AMTN: variants seen among roughly 807,000 people sequenced by gnomAD.
AMTN encodes amelotin.
A neutral mutation model predicts 27.4 loss-of-function variants in AMTN; 29 were observed. The observed-to-expected ratio is 1.06, with a 90% confidence interval of 0.79 to 1.44. The LOEUF (loss-of-function observed/expected upper bound fraction) is 1.44. Among genes scored for constraint, AMTN ranks in the 40% most tolerant of loss-of-function variants. The pLI, the probability that AMTN is intolerant of heterozygous loss-of-function variation, is 0.00. For synonymous variants in AMTN, 86 were observed against 95.7 expected, an observed-to-expected ratio of 0.90 and a Z score of 0.59; for missense variants, 247 against 248.8, an observed-to-expected ratio of 0.99 and a Z score of 0.05.
intron 2 of AMTN, among the ~76,000 whole-genome samples, chr4:70,520,630 C>G (rs936986255): frequency 1.2e-4 from 19 of 152,130 alleles, no homozygotes; most frequent in Admixed American, 3.3e-4. Flanking sequence ...GAATAAACCA[C>G]AGTGAAGTCT....
At chr4:70,520,792 C>T (rs1735935985) in intron 2 of AMTN, among the ~76,000 whole-genome samples, 1 of 152,038 alleles carries the variant, frequency 6.6e-6, no homozygotes, top group African/African-American at 2.4e-5. Context: ...AAGGGGCAGG[C>T]TGCATGTTCA....
intron 2 of AMTN, among the ~76,000 whole-genome samples, chr4:70,520,296 C>T (rs1254184109): frequency 6.6e-6 from 1 of 152,072 alleles, no homozygotes; most frequent in Non-Finnish European, 1.5e-5. Flanking sequence ...GGAAACAATA[C>T]CAAATGAAAC....
chr4:70,528,226 C>T lies in AMTN; in HGVS notation c.295-497C>T, dbSNP rs563684081. 4.8e-3 allele frequency among the ~76,000 whole-genome samples: 379 copies of T among 79,400 alleles called. 3 individuals are homozygous for T. The highest frequency in any genetic ancestry group is 0.021 in the African/African-American group (370 of 17,440). 52.1% of individuals were successfully genotyped at this position (79,400 alleles called of 152,430 possible). A position where few individuals can be genotyped will look rare whatever the true frequency, so the allele number is the denominator to read the frequency against. ...CTATCTTGAACTGGTTTCTAAATCT[C>T]TTGGGACTAATATTCTTTTTACAAA... On this transcript the variant is annotated intron_variant, in intron 5 of 8. Coordinates refer to ENST00000339336, the MANE Select transcript of AMTN (RefSeq NM_212557.4).
rs1274069767 is a variant in AMTN, at chr4:70,518,659, C to T, written c.-16+5C>T. The T allele has an allele frequency of 3.3e-5, 27 of 811,270 alleles. No homozygotes were observed. Among genetic ancestry groups the T allele is most frequent in the South Asian group, 1.5e-5 (1 of 65,696 alleles). The allele number at this position is 811,270 out of a possible 1,614,324, so 50.3% of individuals were successfully genotyped here. A position where few individuals can be genotyped will look rare whatever the true frequency, so the allele number is the denominator to read the frequency against. On this transcript the variant is annotated splice_donor_5th_base_variant and intron_variant, in intron 1 of 8. Coordinates refer to ENST00000339336, the MANE Select transcript of AMTN (RefSeq NM_212557.4). ...TTTTGCCTCGTGGACCCAAAGGTAA[C>T]ATTAATTGACCATGTTTCAAGTAGA...
intron 2 of AMTN, 46 bp from the exon 3 acceptor site, chr4:70,522,709 T>C (rs764545054): frequency 6.3e-7 from 1 of 1,584,164 alleles, no homozygotes; most frequent in South Asian, 1.1e-5. Context: ...CACAAAATCT[T>C]AAACACATTC....
chr4:70,531,447 C>A, intron 8 of AMTN, 147 bp downstream of exon 8: 1 of 1,045,964 alleles, frequency 9.6e-7, no homozygotes, highest in Non-Finnish European at 1.4e-6. Flanking sequence ...ACTCCAGCAA[C>A]ATGAGGGAAT....
intron 8 of AMTN, 118 bp from the exon 9 acceptor site, chr4:70,532,337 A>C (rs1400224804): frequency 1.3e-6 from 1 of 740,888 alleles, no homozygotes; most frequent in South Asian, 2.2e-5. Context: ...CTTAGAGATA[A>C]CTAAAGAATG....
chr4:70,522,683 C>T (rs2109770219), intron 2 of AMTN, 72 bp from the exon 3 acceptor site: 1 of 1,457,160 alleles, frequency 6.9e-7, no homozygotes, highest in South Asian at 1.1e-5. Flanking sequence ...TTGGTGGCAA[C>T]CTGGATATAA....
intron 5 of AMTN, among the ~76,000 whole-genome samples, chr4:70,525,941 C>T (rs72857904): frequency 0.011 from 1,630 of 152,122 alleles, 30 homozygotes; most frequent in African/African-American, 0.037. Flanking sequence ...GAGGAAAATA[C>T]AATAATCCTT....
At chr4:70,528,682 C>T (rs191977165) in intron 5 of AMTN, 41 bp from the exon 6 acceptor site, 5 of 1,580,568 alleles carry the variant, frequency 3.2e-6, no homozygotes, top group Non-Finnish European at 4.3e-6. Context: ...TACCATCTTC[C>T]AGAGCTTACT....
intron 7 of AMTN, among the ~76,000 whole-genome samples, chr4:70,529,898 G>T (rs1356554766): frequency 1.3e-5 from 2 of 152,006 alleles, no homozygotes; most frequent in Non-Finnish European, 2.9e-5. Flanking sequence ...TCAAGGAATG[G>T]GGCTAGTGTC....
At chr4:70,524,148 T>A (rs28503247) in intron 4 of AMTN, among the ~76,000 whole-genome samples, 1 of 151,878 alleles carries the variant, frequency 6.6e-6, no homozygotes, top group Admixed American at 6.6e-5. Flanking sequence ...CTAAACAAAT[T>A]AATCTAATTC....
rs907570854 is a variant in AMTN, at chr4:70,528,723, G to A, written c.295G>A (p.Val99Met). The A allele has an allele frequency of 1.9e-6, 3 of 1,606,944 alleles. No homozygotes were observed. The African/African-American group carries it at 4.0e-5, about 22-fold the overall frequency. Residue 99 changes from valine (V) to methionine (M), a missense_variant and splice_region_variant, in exon 6 of 9, where the codon GTG (valine) becomes ATG (methionine). Val to Met is a conservative substitution (Grantham distance 21). Transcript: ENST00000339336. ...LNVQQQLHPH[V>M]LPIFVTQLGA... ...AAGAGTTTTTCTCTCATTTTTTCAG[G>A]TGTTACCAATTTTTGTCACACAACT...
chr4:70,524,989 T>G (rs1358360137), intron 5 of AMTN, 28 bp downstream of exon 5: 1 of 1,598,078 alleles, frequency 6.3e-7, no homozygotes, highest in Non-Finnish European at 8.6e-7. Flanking sequence ...ACCTTAGTTT[T>G]AACATTAGAG....
chr4:70,524,799 T>TA, intron 4 of AMTN, 73 bp from the exon 5 acceptor site: 10 of 1,395,446 alleles, frequency 7.2e-6, no homozygotes, highest in Non-Finnish European at 1.0e-5. Context: ...TTACGTTTAG[T>TA]AAAAACATTT....
In AMTN at chr4:70,531,230, A is replaced by G. The variant is rs1736215477; in HGVS notation, c.549A>G (p.Ala183=). 1 of 1,614,090 alleles carries G rather than the reference A, an allele frequency of 6.2e-7. No homozygotes were observed. The highest frequency in any genetic ancestry group is 1.3e-5 in the African/African-American group (1 of 75,052). ...PTPSGTDDDF[A]VTTPAGIQRS... is the part of the protein sequence containing the mutation. ...CCAGTGGCACAGATGACGACTTTGC[A>G]GTGACCACCCCTGCAGGCATCCAAA... is the stretch of plus-strand genomic sequence containing the variant. Residue 183 remains alanine, a synonymous_variant, in exon 8 of 9, where the codon GCA becomes GCG. Coordinates refer to ENST00000339336, the MANE Select transcript of AMTN (RefSeq NM_212557.4).
At chr4:70,529,348 C>T in intron 7 of AMTN, 138 bp downstream of exon 7, 2 of 498,062 alleles carry the variant, frequency 4.0e-6, no homozygotes, top group Admixed American at 8.4e-5. Flanking sequence ...TAGTTCCTTA[C>T]ATTAGATTAT....
At chr4:70,525,015 G>T (rs1577933510) in intron 5 of AMTN, 54 bp downstream of exon 5, 9 of 1,532,704 alleles carry the variant, frequency 5.9e-6, no homozygotes, top group Non-Finnish European at 8.1e-6. Context: ...TTTCTCTCAG[G>T]TGAAAGCCTA....
chr4:70,521,075 T>C (rs1427264030), intron 2 of AMTN, among the ~76,000 whole-genome samples: 1 of 152,098 alleles, frequency 6.6e-6, no homozygotes, highest in Non-Finnish European at 1.5e-5. Context: ...TGGCTTTTAC[T>C]CTGAGTGAAA....
Sources: allele counts gnomAD v4.1 joint callset (sites outside exome capture counted in the v4.1 genomes callset), GRCh38; gene constraint gnomAD v4.1.1; transcripts MANE v1.5; gene names NCBI Gene and HGNC (gene_info 2026-07-23, HGNC 2026-07-21).